BORA: variants seen among roughly 807,000 people sequenced by gnomAD.
The protein encoded by BORA is protein aurora borealis.
Under a neutral mutation model 55.8 loss-of-function variants are expected in BORA, and 26 were observed. The ratio of observed to expected loss-of-function variants is 0.47; its 90% confidence interval spans 0.34 to 0.65. The LOEUF (loss-of-function observed/expected upper bound fraction) is 0.65. Ranked by LOEUF, BORA falls within the 30% of genes least tolerant of loss-of-function variation. BORA has a pLI of 0.01. For synonymous variants in BORA, 201 were observed against 216.9 expected (o/e 0.93, Z 0.64); for missense variants, 568 against 671.5 (o/e 0.85, Z 1.70).
intron 6 of BORA, 25 bp downstream of exon 6, chr13:72,743,627 G>T: frequency 3.8e-6 from 6 of 1,569,738 alleles, no homozygotes; most frequent in Non-Finnish European, 5.2e-6. Flanking sequence ...AATTTGAAAA[G>T]AAGGATGTTC....
intron 2 of BORA, among the ~76,000 whole-genome samples, chr13:72,730,215 C>T (rs1163161807): frequency 1.3e-5 from 2 of 152,194 alleles, no homozygotes; most frequent in African/African-American, 4.8e-5. Flanking sequence ...GCTACACTTT[C>T]ATACAGGTTT....
chr13:72,735,613 A>AT (rs2032907294), intron 4 of BORA, among the ~76,000 whole-genome samples: 1 of 151,954 alleles, frequency 6.6e-6, no homozygotes, highest in Non-Finnish European at 1.5e-5. Context: ...TATTATTATT[A>AT]TTTTTTGTTT....
At position 72,729,035 on chromosome 13, in the gene BORA, C is replaced by G. The variant is rs544153255; in HGVS notation, c.95C>G (p.Ser32Cys). The change falls in exon 2 of 12, where the codon TCT (serine) becomes TGT (cysteine). Residue 32 changes from serine to cysteine, a missense_variant. Coordinates refer to ENST00000390667, the MANE Select transcript of BORA (RefSeq NM_024808.5). The stretch of plus-strand genomic sequence containing the variant: ...CCTTTTGAAAGTCCTAGTGATTATT[C>G]TAATCTCCATGAACAAACTCTCGCC... ...LNPFESPSDY[S>C]NLHEQTLASP... 2.5e-6 allele frequency: 4 copies of G among 1,602,806 alleles called. No individual in the cohort carries two copies. Among genetic ancestry groups the G allele is most frequent in the Non-Finnish European group, 3.4e-6 (4 of 1,176,388 alleles).
Position 72,746,591 on chromosome 13 carries a change from T to C in BORA, c.962T>C (p.Ile321Thr), listed in dbSNP as rs780410310. The stretch of plus-strand genomic sequence containing the variant: ...AATCCGTGTATCAGAAGTCCTTATA[T>C]AGATGGCTGCTCGCCAATTAAAAAT... ...ITNPCIRSPY[I>T]DGCSPIKNWS... The change falls in exon 10 of 12, where the codon ATA becomes ACA. Residue 321 changes from isoleucine to threonine, a missense_variant. Coordinates refer to ENST00000390667, the MANE Select transcript of BORA (RefSeq NM_024808.5). The C allele has an allele frequency of 1.2e-6, 2 of 1,614,114 alleles. No individual in the cohort carries two copies. The highest frequency in any genetic ancestry group is 1.1e-5 in the South Asian group (1 of 91,084).
intron 10 of BORA, among the ~76,000 whole-genome samples, chr13:72,747,883 T>C (rs1593818294): frequency 6.6e-6 from 1 of 152,142 alleles, no homozygotes; most frequent in Non-Finnish European, 1.5e-5. Flanking sequence ...AGAAACATGA[T>C]TTATAGCAAC....
chr13:72,740,448 TTTAAAG>T (rs2033012075), intron 5 of BORA, among the ~76,000 whole-genome samples: 1 of 152,146 alleles, frequency 6.6e-6, no homozygotes, highest in Non-Finnish European at 1.5e-5. Flanking sequence ...ACTATTTAAA[TTTAAAG>T]TTAAATTTAA....
rs536749953 is a variant in BORA at position 72,746,617 on chromosome 13, T to C, written c.988T>C (p.Trp330Arg). ...YIDGCSPIKNWSPMRLQMYSG... is the reference protein window; with the variant it reads ...YIDGCSPIKNRSPMRLQMYSG... The stretch of plus-strand genomic sequence containing the variant: ...AGATGGCTGCTCGCCAATTAAAAAT[T>C]GGTCTCCTATGAGACTTCAGATGTA... Residue 330 changes from tryptophan (W) to arginine (R), a missense_variant, in exon 10 of 12, where the codon TGG (tryptophan) becomes CGG (arginine). Coordinates refer to ENST00000390667, the MANE Select transcript of BORA (RefSeq NM_024808.5). The C allele has an allele frequency of 3.0e-5, 49 of 1,614,162 alleles. No homozygotes were observed. The South Asian group carries it at 5.1e-4, about 17-fold the overall frequency.
chr13:72,737,946 A>T lies in BORA; in HGVS notation c.307-16A>T. ...GGTGGAATTTATGCCTAATTGTATG[A>T]CTTTAATTTTCCTAGTTTTTCACTA... On this transcript the variant is annotated splice_polypyrimidine_tract_variant and intron_variant, in intron 4 of 11. Coordinates refer to ENST00000390667, the MANE Select transcript of BORA (RefSeq NM_024808.5). 1 of 1,536,734 alleles carries T rather than the reference A, an allele frequency of 6.5e-7. No homozygotes were observed. Among genetic ancestry groups the T allele is most frequent in the Non-Finnish European group, 8.9e-7 (1 of 1,127,918 alleles).
chr13:72,734,517 ATCC>A (rs1259547067), intron 3 of BORA, among the ~76,000 whole-genome samples: 1 of 152,228 alleles, frequency 6.6e-6, no homozygotes, highest in Non-Finnish European at 1.5e-5. Flanking sequence ...ACTGTGAACT[ATCC>A]TCATCTATTT....
At chr13:72,747,216 C>T (rs2033169720) in intron 10 of BORA, 105 bp downstream of exon 10, 2 of 1,227,146 alleles carry the variant, frequency 1.6e-6, no homozygotes, top group Non-Finnish European at 2.2e-6. Context: ...ATGAGGACTA[C>T]AGTATTATAT....
chr13:72,734,577 T>A (rs552477646), intron 3 of BORA, among the ~76,000 whole-genome samples: 1 of 152,240 alleles, frequency 6.6e-6, no homozygotes, highest in Admixed American at 6.5e-5. Context: ...AAACTTGTTA[T>A]AATTGAAGAG....
intron 5 of BORA, among the ~76,000 whole-genome samples, chr13:72,740,002 T>C (rs1054782408): frequency 7.4e-5 from 4 of 54,200 alleles, no homozygotes; most frequent in African/African-American, 2.7e-4. Context: ...GTGTAGTCCA[T>C]GTGCGGTATG....
chr13:72,748,766 T>C (rs2033204865), intron 10 of BORA, among the ~76,000 whole-genome samples: 1 of 151,294 alleles, frequency 6.6e-6, no homozygotes, highest in East Asian at 2.0e-4. Flanking sequence ...CTCTTTTTTA[T>C]ATAGAGGAAT....
chr13:72,753,817 T>C lies in BORA; in HGVS notation c.1610T>C (p.Met537Thr). The C allele has an allele frequency of 6.2e-7, 1 of 1,612,104 alleles. No individual in the cohort carries two copies. Among genetic ancestry groups the C allele is most frequent in the Non-Finnish European group, 8.5e-7 (1 of 1,178,600 alleles). Residue 537 changes from methionine (M) to threonine (T), a missense_variant, in exon 11 of 12, where the codon ATG (methionine) becomes ACG (threonine). By Grantham distance (81) the Met-to-Thr change is moderately conservative. Transcript: ENST00000390667. ...EVESKSQAFN[M>T]KQDHTTQRCW... ...GAGAGTAAATCTCAAGCATTTAATA[T>C]GAAGGTACGGAGAAAATATAGTGAA... is the stretch of plus-strand genomic sequence containing the variant.
intron 2 of BORA, among the ~76,000 whole-genome samples, 193 bp downstream of exon 2, chr13:72,729,286 T>G (rs1460774102): frequency 3.1e-4 from 2 of 6,474 alleles, no homozygotes; most frequent in Non-Finnish European, 0.026. Flanking sequence ...GCTAGAAGAT[T>G]TTTTTTTTTT....
chr13:72,731,677 G>C (rs944101353), intron 3 of BORA, among the ~76,000 whole-genome samples: 1 of 152,144 alleles, frequency 6.6e-6, no homozygotes, highest in African/African-American at 2.4e-5. Flanking sequence ...AGAACATTTT[G>C]AAATTTGCAC....
At chr13:72,734,895 T>C in intron 3 of BORA, 65 bp from the exon 4 acceptor site, 1 of 1,226,574 alleles carries the variant, frequency 8.2e-7, no homozygotes, top group Non-Finnish European at 1.2e-6. Context: ...TGAAAGGTTA[T>C]TTTTTAAAAT....
intron 10 of BORA, among the ~76,000 whole-genome samples, chr13:72,751,920 TTGAA>T (rs1399039864): frequency 2.0e-5 from 3 of 152,116 alleles, no homozygotes; most frequent in South Asian, 2.1e-4. Flanking sequence ...GCAAGGTCCT[TTGAA>T]TGGTAACAAA....
At chr13:72,755,066 T>C in intron 11 of BORA, 85 bp from the exon 12 acceptor site, 1 of 1,130,220 alleles carries the variant, frequency 8.8e-7, no homozygotes. Context: ...AAACGTGCTT[T>C]TAGGTTTTAA....
Sources: gnomAD v4.1 joint callset for allele counts (sites outside exome capture counted in the v4.1 genomes callset) on GRCh38, gnomAD v4.1.1 for gene constraint, MANE v1.5 for transcripts, NCBI Gene and HGNC (gene_info 2026-07-23, HGNC 2026-07-21) for gene names.